The following CSMD1 variants were observed in gnomAD, a reference collection of about 807,000 sequenced individuals.
The protein encoded by CSMD1 is CUB and sushi domain-containing protein 1.
A neutral mutation model predicts 417.5 loss-of-function variants in CSMD1; 213 were observed. The observed-to-expected ratio is 0.51, with a 90% confidence interval of 0.46 to 0.57. The LOEUF is 0.57. Among genes scored for constraint, CSMD1 ranks in the 20% least tolerant of loss-of-function variants. CSMD1 has a pLI of 0.00. For missense variants in CSMD1, 6,923 were observed against 4,529.7 expected (o/e 1.53, Z -15.17); for synonymous variants, 2,862 against 1,736.8 (o/e 1.65, Z -16.11).
intron 1 of CSMD1, among the ~76,000 whole-genome samples, chr8:4,711,415 C>G (rs965826745): frequency 2.3e-4 from 35 of 152,018 alleles, no homozygotes; most frequent in African/African-American, 8.2e-4. Flanking sequence ...TCTCAGAAGA[C>G]AAATTGTTTA....
At chr8:4,218,527 A>G (rs3849843) in intron 3 of CSMD1, among the ~76,000 whole-genome samples, 15,949 of 152,212 alleles carry the variant, frequency 0.1, 1,430 homozygotes, top group African/African-American at 0.24. Context: ...TTATGCCTCT[A>G]AACTCACATT....
chr8:4,751,141 T>G (rs193249349), intron 1 of CSMD1, among the ~76,000 whole-genome samples: 1 of 152,162 alleles, frequency 6.6e-6, no homozygotes, highest in African/African-American at 2.4e-5. Flanking sequence ...TCCCAGCACT[T>G]TGGGAGGCCG....
At chr8:3,987,348 C>G (rs1814411465) in intron 5 of CSMD1, among the ~76,000 whole-genome samples, 1 of 152,212 alleles carries the variant, frequency 6.6e-6, no homozygotes, top group Non-Finnish European at 1.5e-5. Context: ...AGCATCTTTG[C>G]AACTGCATTG....
At chr8:3,626,984 G>C (rs1426065919) in intron 7 of CSMD1, among the ~76,000 whole-genome samples, 3 of 151,662 alleles carry the variant, frequency 2.0e-5, no homozygotes, top group Non-Finnish European at 4.4e-5. Flanking sequence ...GTTTACCATA[G>C]TACGATATAT....
At chr8:3,641,206 T>G (rs2117315902) in intron 7 of CSMD1, among the ~76,000 whole-genome samples, 1 of 152,122 alleles carries the variant, frequency 6.6e-6, no homozygotes, top group African/African-American at 2.4e-5. Flanking sequence ...TACATTGCCT[T>G]TTCCAGACTT....
At chr8:3,103,386 A>G (rs1351653130) in intron 46 of CSMD1, among the ~76,000 whole-genome samples, 1 of 152,116 alleles carries the variant, frequency 6.6e-6, no homozygotes, top group Non-Finnish European at 1.5e-5. Flanking sequence ...CTGCTACACA[A>G]TTAAGCCATA....
At chr8:4,990,284 G>C (rs1811392804) in intron 1 of CSMD1, among the ~76,000 whole-genome samples, 1 of 152,096 alleles carries the variant, frequency 6.6e-6, no homozygotes, top group Non-Finnish European at 1.5e-5. Context: ...ATAGTAATTA[G>C]TAATAATATC....
In CSMD1 at chr8:3,367,281, C is replaced by A. The variant is rs765087639; in HGVS notation, c.2900-34G>T. 3 of 1,437,702 alleles carry A rather than the reference C, an allele frequency of 2.1e-6. No homozygotes were observed. In the South Asian group the frequency reaches 3.6e-5, roughly 17 times the overall value. The allele number at this position is 1,437,702 out of a possible 1,614,324, so 89.1% of individuals were successfully genotyped here. A position where few individuals can be genotyped will look rare whatever the true frequency, so the allele number is the denominator to read the frequency against. On this transcript the variant is annotated intron_variant, in intron 19 of 69. Coordinates refer to ENST00000635120, the MANE Select transcript of CSMD1 (RefSeq NM_033225.6). ...TGAAGCCGGGGGAGAGAGAGAGAGA[C>A]AGAGAGAGACACACGGGGCGGCGGG...
chr8:4,683,138 T>G (rs1383826160), intron 1 of CSMD1, among the ~76,000 whole-genome samples: 1 of 151,754 alleles, frequency 6.6e-6, no homozygotes, highest in African/African-American at 2.4e-5. Context: ...TGAATTAGTA[T>G]GGTCAGTTCT....
intron 5 of CSMD1, among the ~76,000 whole-genome samples, chr8:3,894,369 A>G (rs1268260743): frequency 6.6e-6 from 1 of 152,152 alleles, no homozygotes; most frequent in East Asian, 1.9e-4. Context: ...GGGTGTTGCA[A>G]CTCAAGGGGA....
At chr8:4,197,994 A>ATGCTATCT (rs1226805957) in intron 3 of CSMD1, among the ~76,000 whole-genome samples, 2 of 152,240 alleles carry the variant, frequency 1.3e-5, no homozygotes, top group Admixed American at 1.3e-4. Flanking sequence ...TGAATAAAAC[A>ATGCTATCT]TGCTATCTTT....
chr8:3,899,126 T>C (rs114860105), intron 5 of CSMD1, among the ~76,000 whole-genome samples: 1 of 152,178 alleles, frequency 6.6e-6, no homozygotes, highest in Non-Finnish European at 1.5e-5. Context: ...ACTGGCGCCA[T>C]GTTAGGTAAC....
In CSMD1 at chr8:4,612,685, C is replaced by G. The variant is rs114597192; in HGVS notation, c.302+24657G>C. 8.5e-4 allele frequency among the ~76,000 whole-genome samples: 129 copies of G among 152,270 alleles called. 1 individual carries two copies. Among genetic ancestry groups the G allele is most frequent in the African/African-American group, 3.0e-3 (123 of 41,560 alleles). ...ACTCAACTGCCACCCAAACCTCACG[C>G]CACATCCCTGCCACTCTCAGGGTAT... On this transcript the variant is annotated intron_variant, in intron 2 of 69. Transcript: ENST00000635120.
chr8:4,395,460 C>G (rs1258916353), intron 3 of CSMD1, among the ~76,000 whole-genome samples: 1 of 151,562 alleles, frequency 6.6e-6, no homozygotes, highest in Non-Finnish European at 1.5e-5. Flanking sequence ...AGAATAGCAG[C>G]AAGATTACTG....
intron 3 of CSMD1, among the ~76,000 whole-genome samples, chr8:4,389,552 A>T (rs1803705239): frequency 1.3e-5 from 2 of 152,198 alleles, no homozygotes; most frequent in African/African-American, 2.4e-5. Context: ...CTAAAATGTT[A>T]ATTTATCAAA....
intron 1 of CSMD1, among the ~76,000 whole-genome samples, chr8:4,799,526 G>A (rs987054473): frequency 7.1e-6 from 1 of 140,764 alleles, no homozygotes; most frequent in East Asian, 2.2e-4. Flanking sequence ...TTGAACCCAG[G>A]AGGCGGAGGT....
intron 1 of CSMD1, among the ~76,000 whole-genome samples, chr8:4,821,246 G>A (rs1052003981): frequency 6.6e-6 from 1 of 152,114 alleles, no homozygotes; most frequent in South Asian, 2.1e-4. Context: ...GGATTATTAC[G>A]CAGACTCCAG....
intron 1 of CSMD1, among the ~76,000 whole-genome samples, chr8:4,973,400 G>C (rs929929213): frequency 1.3e-5 from 2 of 152,088 alleles, no homozygotes; most frequent in Non-Finnish European, 2.9e-5. Context: ...AATACTATTT[G>C]CTTGTCCTGA....
At chr8:4,278,557 C>G (rs1055096759) in intron 3 of CSMD1, among the ~76,000 whole-genome samples, 5 of 152,108 alleles carry the variant, frequency 3.3e-5, no homozygotes, top group Non-Finnish European at 5.9e-5. Context: ...AAACATATAA[C>G]AAAACGTTAG....
Sources: allele counts gnomAD v4.1 joint callset (sites outside exome capture counted in the v4.1 genomes callset), GRCh38; gene constraint gnomAD v4.1.1; transcripts MANE v1.5; gene names NCBI Gene and HGNC (gene_info 2026-07-23, HGNC 2026-07-21).